Variants in GRID1 observed in about 807,000 individuals in gnomAD.
GRID1 encodes the protein glutamate receptor ionotropic, delta-1.
A neutral mutation model predicts 98.0 loss-of-function variants in GRID1; 28 were observed. The ratio of observed to expected loss-of-function variants is 0.29; its 90% CI spans 0.21 to 0.39. The LOEUF is 0.39. Ranked by LOEUF, GRID1 falls within the 10% of genes least tolerant of loss-of-function variation. GRID1 has a pLI of 1.00. For missense variants in GRID1, 1,111 were observed against 1,340.5 expected, an observed-to-expected ratio of 0.83 and a Z score of 2.67; for synonymous variants, 553 against 538.5, an observed-to-expected ratio of 1.03 and a Z score of -0.37.
At chr10:85,675,593 T>C (rs1285182548) in intron 12 of GRID1, among the ~76,000 whole-genome samples, 1 of 152,230 alleles carries the variant, frequency 6.6e-6, no homozygotes, top group Non-Finnish European at 1.5e-5. Flanking sequence ...AATGTGTTCA[T>C]GTGGTGGAAA....
At chr10:86,134,304 G>T (rs1310779301) in intron 4 of GRID1, among the ~76,000 whole-genome samples, 1 of 152,218 alleles carries the variant, frequency 6.6e-6, no homozygotes, top group African/African-American at 2.4e-5. Context: ...GCTCCCAATT[G>T]GTACTTGCTG....
chr10:85,649,481 G>A (rs1843238172), intron 12 of GRID1, among the ~76,000 whole-genome samples: 1 of 151,772 alleles, frequency 6.6e-6, no homozygotes, highest in Admixed American at 6.6e-5. Context: ...ATGAAAGGAG[G>A]GGGATCTTTT....
intron 5 of GRID1, among the ~76,000 whole-genome samples, chr10:85,869,464 A>T (rs987852181): frequency 6.6e-6 from 1 of 152,238 alleles, no homozygotes; most frequent in Non-Finnish European, 1.5e-5. Flanking sequence ...TTTAGGAACT[A>T]ATGCCATAAA....
intron 12 of GRID1, among the ~76,000 whole-genome samples, chr10:85,684,609 TA>T (rs1368535716): frequency 6.6e-6 from 1 of 152,208 alleles, no homozygotes; most frequent in African/African-American, 2.4e-5. Context: ...TGGATATCTG[TA>T]AAACATATTA....
chr10:86,331,085 G>A (rs1188352682), intron 2 of GRID1, among the ~76,000 whole-genome samples: 1 of 152,218 alleles, frequency 6.6e-6, no homozygotes, highest in Non-Finnish European at 1.5e-5. Flanking sequence ...TGGCAGGGAT[G>A]GCACATGCAG....
chr10:86,153,978 G>C (rs996109250), intron 3 of GRID1, among the ~76,000 whole-genome samples: 5 of 152,094 alleles, frequency 3.3e-5, no homozygotes, highest in African/African-American at 1.2e-4. Context: ...TGCCGCACCC[G>C]CCCAGGCCTG....
intron 4 of GRID1, among the ~76,000 whole-genome samples, chr10:86,041,233 C>T (rs1843341308): frequency 6.6e-6 from 1 of 152,302 alleles, no homozygotes; most frequent in South Asian, 2.1e-4. Context: ...GCAAACCAAC[C>T]CAGGGTGTGA....
At chr10:85,923,113 G>A (rs1234291355) in intron 4 of GRID1, among the ~76,000 whole-genome samples, 1 of 126,690 alleles carries the variant, frequency 7.9e-6, no homozygotes, top group East Asian at 2.3e-4. Flanking sequence ...TTTGTCCCAA[G>A]CCTTTCCCAG....
chr10:86,302,504 A>C (rs560909266), intron 2 of GRID1, among the ~76,000 whole-genome samples: 1 of 152,298 alleles, frequency 6.6e-6, no homozygotes, highest in East Asian at 1.9e-4. Flanking sequence ...AAGGATGCTC[A>C]ACCATGAATC....
chr10:85,851,429 A>G (rs1329018048), intron 8 of GRID1, among the ~76,000 whole-genome samples: 1 of 152,184 alleles, frequency 6.6e-6, no homozygotes, highest in Non-Finnish European at 1.5e-5. Context: ...GGATGAGATA[A>G]TTGAATTAGT....
At chr10:86,174,525 A>C (rs1256438314) in intron 3 of GRID1, among the ~76,000 whole-genome samples, 7 of 151,968 alleles carry the variant, frequency 4.6e-5, no homozygotes, top group South Asian at 2.1e-4. Context: ...ATTAGACCTA[A>C]AACCATAAAA....
chr10:86,135,228 A>G (rs894053927), intron 4 of GRID1, among the ~76,000 whole-genome samples: 1 of 152,234 alleles, frequency 6.6e-6, no homozygotes, highest in African/African-American at 2.4e-5. Flanking sequence ...AGCAACCTGT[A>G]GCCCAGAGAA....
At chr10:85,944,015 G>A (rs1335749174) in intron 4 of GRID1, among the ~76,000 whole-genome samples, 3 of 152,250 alleles carry the variant, frequency 2.0e-5, no homozygotes, top group African/African-American at 7.2e-5. Flanking sequence ...ACAGTAGCCT[G>A]TGAACAGTCT....
intron 4 of GRID1, among the ~76,000 whole-genome samples, chr10:86,102,959 C>A (rs1844320096): frequency 6.6e-6 from 1 of 152,116 alleles, no homozygotes; most frequent in Non-Finnish European, 1.5e-5. Flanking sequence ...AAGAACAATT[C>A]CCCTGCAGAC....
intron 4 of GRID1, among the ~76,000 whole-genome samples, chr10:85,947,325 C>G (rs1842065762): frequency 6.6e-6 from 1 of 152,208 alleles, no homozygotes. Context: ...GAACACGGAG[C>G]CTGGGACTGG....
intron 2 of GRID1, among the ~76,000 whole-genome samples, chr10:86,304,609 C>T (rs558279293): frequency 6.6e-6 from 1 of 152,364 alleles, no homozygotes; most frequent in African/African-American, 2.4e-5. Context: ...TGGGAGGAAG[C>T]TAACACACTG....
At chr10:85,798,898 T>C (rs1842550610) in intron 8 of GRID1, among the ~76,000 whole-genome samples, 1 of 152,134 alleles carries the variant, frequency 6.6e-6, no homozygotes, top group African/African-American at 2.4e-5. Context: ...TGTCTTTTTT[T>C]TGAGGTCTTA....
At chr10:86,169,669 T>C (rs1481549609) in intron 3 of GRID1, among the ~76,000 whole-genome samples, 1 of 152,212 alleles carries the variant, frequency 6.6e-6, no homozygotes, top group African/African-American at 2.4e-5. Flanking sequence ...CAGTCCAGCC[T>C]GGGATTTCTG....
chr10:86,167,884 C>T (rs1845423523), intron 3 of GRID1, among the ~76,000 whole-genome samples: 1 of 152,106 alleles, frequency 6.6e-6, no homozygotes, highest in African/African-American at 2.4e-5. Flanking sequence ...GCAGAGGAGG[C>T]CCAGAGGCAA....
Sources: allele counts gnomAD v4.1 joint callset (sites outside exome capture counted in the v4.1 genomes callset), GRCh38; gene constraint gnomAD v4.1.1; transcripts MANE v1.5; gene names NCBI Gene and HGNC (gene_info 2026-07-23, HGNC 2026-07-21).